Variants in TNFSF8 observed in about 807,000 individuals in gnomAD.
The protein encoded by TNFSF8 is tumor necrosis factor ligand superfamily member 8.
A neutral mutation model predicts 22.0 loss-of-function variants in TNFSF8; 4 were observed. The observed-to-expected ratio is 0.18, with a 90% CI of 0.09 to 0.42. TNFSF8 has a LOEUF of 0.42. Ranked by LOEUF, TNFSF8 falls within the 10% of genes least tolerant of loss-of-function variation. The pLI is 1.00. For missense variants in TNFSF8, 233 were observed against 281.8 expected, an observed-to-expected ratio of 0.83 and a Z score of 1.24; for synonymous variants, 106 against 112.5, an observed-to-expected ratio of 0.94 and a Z score of 0.37.
At position 114,903,789 on chromosome 9, in the gene TNFSF8, A is replaced by T; in HGVS notation, c.*142T>A. On this transcript the variant is annotated 3_prime_UTR_variant, in exon 4 of 4. Coordinates refer to ENST00000223795, the MANE Select transcript of TNFSF8 (RefSeq NM_001244.4). ...TTTAACCCTGGAGCTGTATCTTTCC[A>T]AGAGACAGAAGGAGAAGTATACTAT... is the stretch of plus-strand genomic sequence containing the variant. The T allele has an allele frequency of 7.0e-7, 1 of 1,424,934 alleles. No individual in the cohort carries two copies. The highest frequency in any genetic ancestry group is 9.1e-7 in the Non-Finnish European group (1 of 1,096,208). 88.3% of individuals were successfully genotyped at this position (1,424,934 alleles called of 1,614,324 possible).
chr9:114,898,292 G>A (rs187929005), downstream of TNFSF8, among the ~76,000 whole-genome samples: 26 of 152,286 alleles, frequency 1.7e-4, no homozygotes, highest in Admixed American at 2.6e-4. Flanking sequence ...CTGAGCCACC[G>A]TGCCTGGCTC....
intron 2 of TNFSF8, among the ~76,000 whole-genome samples, chr9:114,913,980 G>C (rs1827883835): frequency 6.6e-6 from 1 of 152,160 alleles, no homozygotes; most frequent in South Asian, 2.1e-4. Flanking sequence ...TCATTTGGTG[G>C]GGTGATTTGT....
chr9:114,902,182 C>A lies in TNFSF8; in HGVS notation c.*1749G>T. The A allele has an allele frequency of 2.0e-6, 2 of 985,398 alleles. No individual in the cohort carries two copies. The highest frequency in any genetic ancestry group is 2.4e-6 in the Non-Finnish European group (2 of 829,934). The allele number at this position is 985,398 out of a possible 1,614,324, so 61.0% of individuals were successfully genotyped here. On this transcript the variant is annotated 3_prime_UTR_variant, in exon 4 of 4. Transcript: ENST00000223795. Reference sequence around the variant, plus strand: ...CCAAGTTGGATATAGCTAGAGAAATCTCATGGCTACCCCAATCAGGAGAGA... The same window carrying A: ...CCAAGTTGGATATAGCTAGAGAAATATCATGGCTACCCCAATCAGGAGAGA...
chr9:114,914,711 C>T (rs1040009786), intron 2 of TNFSF8, among the ~76,000 whole-genome samples: 3 of 152,122 alleles, frequency 2.0e-5, no homozygotes, highest in African/African-American at 4.8e-5. Flanking sequence ...ATTATTAACT[C>T]TGTCTTCTGG....
In TNFSF8 at chr9:114,930,136, A is replaced by C; in HGVS notation, c.168T>G (p.Thr56=). ...LALCLVFTVA[T]IMVLVVQRTD... The stretch of plus-strand genomic sequence containing the variant: ...TCCTCTGAACGACCAACACCATAAT[A>C]GTGGCCACCGTGAAGACAAGGCACA... Residue 56 remains threonine, a synonymous_variant, in exon 1 of 4, where the codon ACT becomes ACG. Coordinates refer to ENST00000223795, the MANE Select transcript of TNFSF8 (RefSeq NM_001244.4). The C allele has an allele frequency of 6.4e-7, 1 of 1,571,976 alleles. No homozygotes were observed. The highest frequency in any genetic ancestry group is 8.6e-7 in the Non-Finnish European group (1 of 1,159,498).
At chr9:114,919,297 T>C (rs953399671) in intron 1 of TNFSF8, among the ~76,000 whole-genome samples, 2 of 152,124 alleles carry the variant, frequency 1.3e-5, no homozygotes, top group Non-Finnish European at 2.9e-5. Flanking sequence ...ATTTATTCTG[T>C]AATAAATATA....
At chr9:114,911,644 G>A (rs1480477252) in intron 2 of TNFSF8, among the ~76,000 whole-genome samples, 3 of 152,186 alleles carry the variant, frequency 2.0e-5, no homozygotes, top group Non-Finnish European at 4.4e-5. Flanking sequence ...CACACTTAGT[G>A]CTGACTGAGC....
intron 2 of TNFSF8, among the ~76,000 whole-genome samples, chr9:114,911,567 A>G (rs1344786570): frequency 2.0e-5 from 3 of 152,234 alleles, no homozygotes; most frequent in East Asian, 3.8e-4. Flanking sequence ...AGGATGGACC[A>G]TTTGTTAAAC....
chr9:114,913,977 G>A (rs1827883746), intron 2 of TNFSF8, among the ~76,000 whole-genome samples: 1 of 152,214 alleles, frequency 6.6e-6, no homozygotes, highest in African/African-American at 2.4e-5. Flanking sequence ...CTATCATTTG[G>A]TGGGGTGATT....
chr9:114,923,606 C>A (rs991783389), intron 1 of TNFSF8, among the ~76,000 whole-genome samples: 16 of 150,426 alleles, frequency 1.1e-4, no homozygotes, highest in Admixed American at 4.7e-4. Flanking sequence ...CAACCTTGGC[C>A]TCCTGGGTTC....
Position 114,904,275 on chromosome 9 carries a change from G to A in TNFSF8, c.361C>T (p.Leu121Phe). ...CCATCCTGATATCTGACTCCATGGAGAATGCCATCTTTGTTCCAAGACAAC... is the reference window on the plus strand; with the variant it reads ...CCATCCTGATATCTGACTCCATGGAAAATGCCATCTTTGTTCCAAGACAAC... ...TKLSWNKDGI[L>F]HGVRYQDGNL... Residue 121 changes from leucine to phenylalanine, a missense_variant, in exon 4 of 4, where the codon CTC becomes TTC. Leu to Phe is a conservative substitution (Grantham distance 22). Transcript: ENST00000223795. 6.2e-7 allele frequency: 1 copy of A among 1,613,752 alleles called. No homozygotes were observed. Among genetic ancestry groups the A allele is most frequent in the African/African-American group, 1.3e-5 (1 of 75,040 alleles).
Position 114,930,242 on chromosome 9 carries a change from T to G in TNFSF8, c.62A>C (p.His21Pro), listed in dbSNP as rs1828123518. The change falls in exon 1 of 4, where the codon CAT becomes CCT. Residue 21 changes from histidine (H) to proline (P), a missense_variant. Physicochemically the swap from His to Pro is moderately conservative, Grantham distance 77. Transcript: ENST00000223795. ...GCTGGCCACGGAGCCCGCCGGCACA[T>G]GCATGGCTGTGTCTCCAGGAGGGGC... ...GMAPPGDTAM[H>P]VPAGSVASHL... 2 of 1,606,836 alleles carry G rather than the reference T, an allele frequency of 1.2e-6. No homozygotes were observed. Among genetic ancestry groups the G allele is most frequent in the East Asian group, 2.3e-5 (1 of 44,066 alleles).
At chr9:114,909,418 C>T (rs972177996) in intron 2 of TNFSF8, among the ~76,000 whole-genome samples, 3 of 152,290 alleles carry the variant, frequency 2.0e-5, no homozygotes, top group Middle Eastern at 3.4e-3. Flanking sequence ...CTGCAAGTCA[C>T]GGCTGAGTTG....
At chr9:114,917,383 A>G (rs1289293515) in intron 2 of TNFSF8, among the ~76,000 whole-genome samples, 1 of 152,190 alleles carries the variant, frequency 6.6e-6, no homozygotes, top group Non-Finnish European at 1.5e-5. Context: ...ATGACCTTGG[A>G]CGAGATACTT....
Position 114,905,880 on chromosome 9 carries a change from G to A in TNFSF8, c.258C>T (p.Leu86=), listed in dbSNP as rs759216961. ...ATGGAGCCCTTTTCAGGATACATAA[G>A]AGGTCTTCTGAGCAATTTCCTAAAA... The part of the protein sequence containing the change: ...PLKGGNCSED[L]LCILKRAPFK... Residue 86 remains leucine, a synonymous_variant, in exon 3 of 4, where the codon CTC becomes CTT. Transcript: ENST00000223795. 5 of 1,612,062 alleles carry A rather than the reference G, an allele frequency of 3.1e-6. No homozygotes were observed. The South Asian group carries it at 3.3e-5, about 11-fold the overall frequency.
rs1827641637 is a variant in TNFSF8 at position 114,894,919 on chromosome 9, T to C, written c.410-755A>G. Among the ~76,000 whole-genome samples the C allele has an allele frequency of 2.0e-5, 3 of 152,190 alleles. No individual in the cohort carries two copies. In the South Asian group the frequency reaches 6.2e-4, roughly 31 times the overall value. On this transcript the variant is annotated intron_variant, in intron 4 of 4. Coordinates refer to the TNFSF8 transcript ENST00000618336. ...TCATCCCATTGTATTGATCCTGTGA[T>C]GGATTGTGACCTTTCTTCCCTTGAG...
At chr9:114,899,602 G>A (rs1000427435), downstream of TNFSF8, among the ~76,000 whole-genome samples, 2 of 152,138 alleles carry the variant, frequency 1.3e-5, no homozygotes, top group Non-Finnish European at 2.9e-5. Flanking sequence ...CTAGATCCAG[G>A]GAAGCCCCAG....
chr9:114,930,281 G>A lies in TNFSF8; in HGVS notation c.23C>T (p.Ala8Val), dbSNP rs1447471700. The change falls in exon 1 of 4, where the codon GCA (alanine) becomes GTA (valine). Residue 8 changes from alanine (A) to valine (V), a missense_variant. Coordinates refer to ENST00000223795, the MANE Select transcript of TNFSF8 (RefSeq NM_001244.4). MDPGLQQALNGMAPPGDT... is the reference protein window; with the variant it reads MDPGLQQVLNGMAPPGDT... ...TCCAGGAGGGGCCATTCCGTTGAGT[G>A]CTTGCTGCAGCCCTGGGTCCATTCT... The A allele has an allele frequency of 1.9e-6, 3 of 1,588,526 alleles. No homozygotes were observed. In the Admixed American group the frequency reaches 5.3e-5, roughly 28 times the overall value.
At chr9:114,910,153 C>G (rs900627245) in intron 2 of TNFSF8, among the ~76,000 whole-genome samples, 1 of 152,180 alleles carries the variant, frequency 6.6e-6, no homozygotes, top group Non-Finnish European at 1.5e-5. Flanking sequence ...GATCATGGGA[C>G]TTTCTGTGGT....
Sources: allele counts gnomAD v4.1 joint callset (sites outside exome capture counted in the v4.1 genomes callset), GRCh38; gene constraint gnomAD v4.1.1; transcripts MANE v1.5; gene names NCBI Gene and HGNC (gene_info 2026-07-23, HGNC 2026-07-21).